The following PIR variants were observed in gnomAD, a reference collection of about 807,000 sequenced individuals.
The protein encoded by PIR is pirin (iron-binding nuclear protein).
In PIR, 22 loss-of-function variants were observed where a neutral mutation model predicts 24.2. That is an observed-to-expected ratio of 0.91 (90% CI 0.65 to 1.30). The LOEUF is 1.30. Among genes scored for constraint, PIR ranks in the 50% most tolerant of loss-of-function variants. PIR has a pLI of 0.00. For missense variants in PIR, 220 were observed against 220.3 expected, an observed-to-expected ratio of 1.00 and a Z score of 0.01; for synonymous variants, 80 against 79.6, an observed-to-expected ratio of 1.00 and a Z score of -0.03.
intron 6 of PIR, among the ~76,000 whole-genome samples, chrX:15,416,535 C>T (rs1236239876): frequency 8.9e-6 from 1 of 111,879 alleles, no homozygotes. Context: ...GTGGTACTTT[C>T]AACCAAGATC....
At chrX:15,417,991 A>G (rs1348387880) in intron 6 of PIR, among the ~76,000 whole-genome samples, 1 of 111,941 alleles carries the variant, frequency 8.9e-6, no homozygotes, top group Non-Finnish European at 1.9e-5. Context: ...TGGGACGTGG[A>G]CATCTTTGGG....
chrX:15,453,853 G>A (rs750491116), intron 5 of PIR, among the ~76,000 whole-genome samples: 1 of 111,908 alleles, frequency 8.9e-6, no homozygotes, highest in South Asian at 3.7e-4. Context: ...CACTGGCTTT[G>A]CTAATCAACT....
intron 3 of PIR, among the ~76,000 whole-genome samples, chrX:15,474,426 A>G (rs1448853954): frequency 8.9e-6 from 1 of 112,601 alleles, no homozygotes; most frequent in African/African-American, 3.2e-5. Flanking sequence ...ATAGAAATAC[A>G]GAGTCCTTCT....
chrX:15,450,955 CCAGTGGCTTGCACACA>C (rs765054366), intron 5 of PIR, among the ~76,000 whole-genome samples: 1,323 of 111,251 alleles, frequency 0.012, 12 homozygotes, highest in Middle Eastern at 0.023. Context: ...TGTGTGTGCA[CCAGTGGCTTGCACACA>C]CAGTGGCTTG....
At chrX:15,427,379 G>T (rs149196316) in intron 5 of PIR, among the ~76,000 whole-genome samples, 4,712 of 110,644 alleles carry the variant, frequency 0.043, 264 homozygotes, top group African/African-American at 0.14. Context: ...TTAATTAAAA[G>T]ATTACATTCA....
intron 5 of PIR, among the ~76,000 whole-genome samples, chrX:15,438,219 C>A (rs1925808241): frequency 8.9e-6 from 1 of 112,347 alleles, no homozygotes; most frequent in Non-Finnish European, 1.9e-5. Context: ...CAGTATATAT[C>A]CCCAATTCAG....
chrX:15,459,826 G>T, intron 3 of PIR, 86 bp from the exon 4 acceptor site: 1 of 504,844 alleles, frequency 2.0e-6, no homozygotes, highest in Non-Finnish European at 3.5e-6. Flanking sequence ...TGACTTGTAT[G>T]AGTTCCTTGT....
At chrX:15,396,240 C>A (rs781529653) in intron 8 of PIR, among the ~76,000 whole-genome samples, 1 of 111,474 alleles carries the variant, frequency 9.0e-6, no homozygotes, top group South Asian at 3.9e-4. Flanking sequence ...GGGCACTGAC[C>A]CTGACATATG....
intron 5 of PIR, among the ~76,000 whole-genome samples, chrX:15,434,217 AAGAAGAAGGAGAT>A (rs1476637120): frequency 7.0e-5 from 7 of 99,632 alleles, no homozygotes; most frequent in African/African-American, 2.6e-4. Context: ...GAGGAGAAAG[AAGAAGAAGGAGAT>A]AGAAGAAGGA....
At chrX:15,463,176 T>A (rs189614400) in intron 3 of PIR, among the ~76,000 whole-genome samples, 1 of 110,020 alleles carries the variant, frequency 9.1e-6, no homozygotes, top group Non-Finnish European at 1.9e-5. Context: ...CTGCCTTATT[T>A]TCAGGTGCAG....
rs537814871 is a variant in PIR at position 15,387,829 on chromosome X, G to A, written c.760+2356C>T. Among the ~76,000 whole-genome samples, 4 of 111,430 alleles carry A rather than the reference G, an allele frequency of 3.6e-5. No individual in the cohort carries two copies. The South Asian group carries it at 1.1e-3, about 32-fold the overall frequency. The stretch of plus-strand genomic sequence containing the variant: ...TCTGCCATGTTTCTCAATTTATAAC[G>A]TGCACATGAATCAGCTGGGAATCTT... On this transcript the variant is annotated intron_variant, in intron 9 of 9. Coordinates refer to ENST00000380420, the MANE Select transcript of PIR (RefSeq NM_001018109.3).
intron 3 of PIR, among the ~76,000 whole-genome samples, chrX:15,471,576 G>A (rs768944951): frequency 1.8e-5 from 2 of 111,062 alleles, no homozygotes; most frequent in Non-Finnish European, 3.8e-5. Context: ...TTGTAAGCCC[G>A]ATTAGATGAC....
chrX:15,406,813 G>A (rs943286733), intron 7 of PIR, among the ~76,000 whole-genome samples: 2 of 111,761 alleles, frequency 1.8e-5, no homozygotes, highest in East Asian at 2.8e-4. Context: ...TGCTGGGTTC[G>A]CTAAGGGATT....
At chrX:15,443,540 CAATT>C (rs1398366958) in intron 5 of PIR, among the ~76,000 whole-genome samples, 43 of 111,256 alleles carry the variant, frequency 3.9e-4, no homozygotes, top group South Asian at 7.5e-4. Flanking sequence ...TAATCATCAT[CAATT>C]AATTATTTTA....
chrX:15,407,692 C>T (rs1458270225), intron 6 of PIR, 142 bp from the exon 7 acceptor site: 4 of 480,704 alleles, frequency 8.3e-6, no homozygotes, highest in African/African-American at 7.1e-5. Context: ...GATTTAAGTT[C>T]TGTGAACTGT....
At chrX:15,443,391 T>A (rs1925984600) in intron 5 of PIR, among the ~76,000 whole-genome samples, 1 of 111,780 alleles carries the variant, frequency 8.9e-6, no homozygotes, top group African/African-American at 3.3e-5. Context: ...ATGGGCCTGC[T>A]AACACAACAT....
chrX:15,466,006 G>GTTTTTTTTTTTTTTTTTTTTT (rs200803758), intron 3 of PIR, among the ~76,000 whole-genome samples: 2 of 63,124 alleles, frequency 3.2e-5, no homozygotes, highest in African/African-American at 1.4e-4. Flanking sequence ...AATGGTGGCT[G>GTTTTTTTTTTTTTTTTTTTTT]TTTTTTTTTT....
chrX:15,391,879 T>C (rs1923971473), intron 8 of PIR, among the ~76,000 whole-genome samples: 1 of 111,977 alleles, frequency 8.9e-6, no homozygotes, highest in African/African-American at 3.2e-5. Context: ...AGACTTCTTT[T>C]GTGGCCTCAT....
At chrX:15,423,482 G>A (rs1392039778) in intron 6 of PIR, among the ~76,000 whole-genome samples, 2 of 111,217 alleles carry the variant, frequency 1.8e-5, no homozygotes, top group African/African-American at 6.6e-5. Context: ...CAGGCGTGGT[G>A]GCACACACCT....
Sources: gnomAD v4.1 joint callset for allele counts (sites outside exome capture counted in the v4.1 genomes callset) on GRCh38, gnomAD v4.1.1 for gene constraint, MANE v1.5 for transcripts, NCBI Gene and HGNC (gene_info 2026-07-23, HGNC 2026-07-21) for gene names.